Variants in METTL22 observed in about 807,000 individuals in gnomAD.
METTL22 encodes methyltransferase-like protein 22.
In METTL22, 51 loss-of-function variants were observed where a neutral mutation model predicts 48.4. That is an observed-to-expected ratio of 1.05 (90% confidence interval 0.84 to 1.33). METTL22 has a LOEUF of 1.33. Among genes scored for constraint, METTL22 ranks in the 40% most tolerant of loss-of-function variants. The probability of loss-of-function intolerance (pLI) is 0.00; values close to 1 mark genes in which losing one functional copy is unlikely to be tolerated. For synonymous variants in METTL22, 255 were observed against 214.1 expected (o/e 1.19, Z -1.67); for missense variants, 678 against 526.9 (o/e 1.29, Z -2.81).
rs1567241163 is a variant in METTL22, at chr16:8,640,893, A to ATGGATGG, written c.773-238_773-237insTGGATGG. Among the ~76,000 whole-genome samples the ATGGATGG allele has an allele frequency of 1.1e-3, 14 of 12,932 alleles. 1 individual carries two copies. The highest frequency in any genetic ancestry group is 3.5e-3 in the African/African-American group (13 of 3,754). 8.5% of individuals were successfully genotyped at this position (12,932 alleles called of 152,430 possible). A position where few individuals can be genotyped will look rare whatever the true frequency, so the allele number is the denominator to read the frequency against. On this transcript the variant is annotated intron_variant, in intron 6 of 10. Transcript: ENST00000381920. ...AGATGGGCAGGTGGGTGGGTGGGTG[A>ATGGATGG]ATGGATGGATGGATGGATGGATGGA... is the stretch of plus-strand genomic sequence containing the variant.
the METTL22 span, among the ~76,000 whole-genome samples, chr16:8,659,327 A>G: frequency 2.0e-5 from 3 of 151,848 alleles, no homozygotes; most frequent in Admixed American, 1.3e-4. Context: ...TGAGGAAAAA[A>G]AAAAAAAACG....
chr16:8,654,154 C>T (rs1268074848), downstream of METTL22, among the ~76,000 whole-genome samples: 2 of 152,250 alleles, frequency 1.3e-5, no homozygotes, highest in Non-Finnish European at 2.9e-5. Flanking sequence ...GGCCCCACTT[C>T]ATAGATGGGT....
At chr16:8,666,070 A>G in the METTL22 span, among the ~76,000 whole-genome samples, 1 of 152,158 alleles carries the variant, frequency 6.6e-6, no homozygotes, top group South Asian at 2.1e-4. Flanking sequence ...ATTTCTTTGC[A>G]AGTTCACCTG....
chr16:8,665,445 C>G, the METTL22 span, among the ~76,000 whole-genome samples: 2 of 152,212 alleles, frequency 1.3e-5, no homozygotes, highest in South Asian at 2.1e-4. Context: ...AGGCAAAGCC[C>G]CTCCCTCTGC....
At chr16:8,634,343 A>C (rs1265885858) in intron 3 of METTL22, among the ~76,000 whole-genome samples, 2 of 152,186 alleles carry the variant, frequency 1.3e-5, no homozygotes, top group Non-Finnish European at 2.9e-5. Context: ...CCTCCTCGGG[A>C]GCTCTTAGAC....
intron 3 of METTL22, among the ~76,000 whole-genome samples, chr16:8,633,338 C>T (rs2056322846): frequency 6.6e-6 from 1 of 152,154 alleles, no homozygotes; most frequent in Non-Finnish European, 1.5e-5. Flanking sequence ...CGGTGGCTCA[C>T]ACCTATGATC....
chr16:8,659,575 A>G, the METTL22 span, among the ~76,000 whole-genome samples: 1 of 152,186 alleles, frequency 6.6e-6, no homozygotes, highest in African/African-American at 2.4e-5. Context: ...CCTGCAATAA[A>G]CAAATAAATG....
the METTL22 span, among the ~76,000 whole-genome samples, chr16:8,664,068 C>G: frequency 6.6e-6 from 1 of 151,392 alleles, no homozygotes; most frequent in Admixed American, 6.6e-5. Context: ...TTTCCTTACA[C>G]TTGTGCATTC....
At chr16:8,642,294 G>A (rs930312428) in intron 8 of METTL22, 87 bp downstream of exon 8, 25 of 1,319,850 alleles carry the variant, frequency 1.9e-5, no homozygotes, top group South Asian at 1.3e-4. Context: ...CGGGAGTTCA[G>A]TTTTAGAAGT....
chr16:8,665,559 G>C, the METTL22 span, among the ~76,000 whole-genome samples: 1 of 152,214 alleles, frequency 6.6e-6, no homozygotes, highest in African/African-American at 2.4e-5. Context: ...TCGTAGGACA[G>C]GTATTTGAAA....
intron 9 of METTL22, among the ~76,000 whole-genome samples, chr16:8,643,438 T>G (rs1731004): frequency 6.6e-6 from 1 of 152,184 alleles, no homozygotes; most frequent in Non-Finnish European, 1.5e-5. Context: ...GAAGAGGTCT[T>G]CATCTTCTTG....
chr16:8,651,387 A>AAAAAAAAAAAAC (rs2056894850), downstream of METTL22, among the ~76,000 whole-genome samples: 2 of 19,076 alleles, frequency 1.0e-4, no homozygotes, highest in Non-Finnish European at 2.4e-4. Context: ...ACTCTGTCTC[A>AAAAAAAAAAAAC]AAAAAAAAAA....
intron 3 of METTL22, among the ~76,000 whole-genome samples, chr16:8,632,843 C>G (rs2056307396): frequency 6.6e-6 from 1 of 152,178 alleles, no homozygotes; most frequent in South Asian, 2.1e-4. Context: ...AGTCCTCATT[C>G]TCCCTCAAGG....
chr16:8,629,399 C>T (rs539034164), intron 3 of METTL22, among the ~76,000 whole-genome samples: 4 of 152,296 alleles, frequency 2.6e-5, no homozygotes, highest in South Asian at 2.1e-4. Flanking sequence ...GTACAGTTTC[C>T]AGCTCAGCCA....
chr16:8,627,011 C>T (rs550739910), intron 2 of METTL22, among the ~76,000 whole-genome samples: 94 of 152,062 alleles, frequency 6.2e-4, no homozygotes, highest in Admixed American at 2.0e-3. Context: ...TCGTGCCGCC[C>T]GCCTCGGCCT....
intron 3 of METTL22, chr16:8,632,230 A>G (rs2056286970): frequency 6.6e-6 from 1 of 152,078 alleles, no homozygotes; most frequent in African/African-American, 2.4e-5. Context: ...CCTTTGATCC[A>G]TCCCTGAGCC....
chr16:8,628,449 A>G (rs2141700948), intron 2 of METTL22, among the ~76,000 whole-genome samples: 1 of 151,930 alleles, frequency 6.6e-6, no homozygotes, highest in South Asian at 2.1e-4. Flanking sequence ...GAAGCTGATA[A>G]TGGTATCTTC....
At chr16:8,655,048 T>C in the METTL22 span, among the ~76,000 whole-genome samples, 79 of 152,318 alleles carry the variant, frequency 5.2e-4, no homozygotes, top group African/African-American at 1.9e-3. Context: ...GTTAGAAGAC[T>C]CTAAAATAAG....
intron 9 of METTL22, among the ~76,000 whole-genome samples, chr16:8,643,860 C>G (rs974803787): frequency 6.6e-6 from 1 of 152,188 alleles, no homozygotes; most frequent in African/African-American, 2.4e-5. Context: ...GTGATCTGCC[C>G]TCCTCGGCCT....
Sources: gnomAD v4.1 joint callset for allele counts (sites outside exome capture counted in the v4.1 genomes callset) on GRCh38, gnomAD v4.1.1 for gene constraint, MANE v1.5 for transcripts, NCBI Gene and HGNC (gene_info 2026-07-23, HGNC 2026-07-21) for gene names.